Variants in RP2 observed in about 807,000 individuals in gnomAD.
RP2 encodes protein XRP2.
Under a neutral mutation model 20.3 loss-of-function variants are expected in RP2, and 3 were observed. That is an observed-to-expected ratio of 0.15 (90% CI 0.07 to 0.38). The LOEUF (loss-of-function observed/expected upper bound fraction) is 0.38, where lower values mean the gene tolerates loss of function less well. RP2 is among the 10% of genes least tolerant of loss of function. The pLI is 1.00. For synonymous variants in RP2, 75 were observed against 94.8 expected, an observed-to-expected ratio of 0.79 and a Z score of 1.22; for missense variants, 233 against 268.5, an observed-to-expected ratio of 0.87 and a Z score of 0.92.
At position 46,879,674 on chromosome X, in the gene RP2, T is replaced by G; in HGVS notation, c.970-12T>G. Reference sequence around the variant, plus strand: ...GTACTGATTTTTTTTTTTAATTTTCTATTTAAAATAGATGTTTGTATCTGA... The same window carrying G: ...GTACTGATTTTTTTTTTTAATTTTCGATTTAAAATAGATGTTTGTATCTGA... On this transcript the variant is annotated splice_polypyrimidine_tract_variant and intron_variant, in intron 4 of 4. Transcript: ENST00000218340. 1 of 1,143,383 alleles carries G rather than the reference T, an allele frequency of 8.7e-7. No homozygotes were observed. Among genetic ancestry groups the G allele is most frequent in the Non-Finnish European group, 1.2e-6 (1 of 836,611 alleles). The allele number at this position is 1,143,383 out of a possible 1,213,427, so 94.2% of individuals were successfully genotyped here.
At chrX:46,838,642 G>C (rs185750788) in intron 1 of RP2, among the ~76,000 whole-genome samples, 2 of 112,343 alleles carry the variant, frequency 1.8e-5, no homozygotes, top group Non-Finnish European at 3.8e-5. Flanking sequence ...AGTCTTGGCT[G>C]CCTATGACTC....
At chrX:46,843,337 A>G (rs1162389099) in intron 1 of RP2, among the ~76,000 whole-genome samples, 1 of 111,520 alleles carries the variant, frequency 9.0e-6, no homozygotes, top group Non-Finnish European at 1.9e-5. Context: ...ACTGCTAAAC[A>G]GTTTTTTAGA....
intron 1 of RP2, among the ~76,000 whole-genome samples, chrX:46,848,854 C>A (rs1214259161): frequency 9.3e-6 from 1 of 108,027 alleles, no homozygotes; most frequent in South Asian, 4.2e-4. Context: ...CATGGCGAAA[C>A]CCCATCTCTA....
At position 46,841,986 on chromosome X, in the gene RP2, C is replaced by T. The variant is rs186190884; in HGVS notation, c.102+4784C>T. ...GGCTGGAATGCAGTGGTATGATCTC[C>T]GCTCACTGCTCCGCCTCCTGGATTC... is the stretch of plus-strand genomic sequence containing the variant. On this transcript the variant is annotated intron_variant, in intron 1 of 4. Transcript: ENST00000218340. Among the ~76,000 whole-genome samples the T allele has an allele frequency of 8.5e-3, 949 of 111,909 alleles. 5 individuals carry two copies. The highest frequency in any genetic ancestry group is 0.012 in the Non-Finnish European group (650 of 53,134).
At position 46,856,196 on chromosome X, in the gene RP2, A is replaced by C. The variant is rs372127921; in HGVS notation, c.768+2055A>C. On this transcript the variant is annotated intron_variant, in intron 2 of 4. Coordinates refer to ENST00000218340, the MANE Select transcript of RP2 (RefSeq NM_006915.3). ...ATTATTTAGGTTAAACTCCTTTTTC[A>C]TAGGTAATGAGGAGTGGACATAAAG... Among the ~76,000 whole-genome samples the C allele has an allele frequency of 9.6e-4, 107 of 111,859 alleles. 1 individual carries two copies. The South Asian group carries it at 0.037, about 39-fold the overall frequency.
intron 3 of RP2, among the ~76,000 whole-genome samples, chrX:46,871,021 CTTTTTTTTTTTTTTTT>C: frequency 3.9e-5 from 3 of 77,361 alleles, no homozygotes; most frequent in African/African-American, 1.8e-4. Flanking sequence ...ACGCTCATTC[CTTTTTTTTTTTTTTTT>C]TTTTTTTTTT....
At position 46,879,707 on chromosome X, in the gene RP2, G is replaced by A. The variant is rs782243877; in HGVS notation, c.991G>A (p.Glu331Lys). The A allele has an allele frequency of 2.5e-6, 3 of 1,198,278 alleles. No individual in the cohort carries two copies. Among genetic ancestry groups the A allele is most frequent in the East Asian group, 5.9e-5 (2 of 33,642 alleles). Residue 331 changes from glutamate to lysine, a missense_variant, in exon 5 of 5, where the codon GAG becomes AAG. Physicochemically the swap from Glu to Lys is moderately conservative, Grantham distance 56. Transcript: ENST00000218340. ...ATAGATGTTTGTATCTGAAAGCAAG[G>A]AGACGGCATCTGGAGATGTAGACAG... ...GTKMFVSESK[E>K]TASGDVDSFY...
chrX:46,863,086 A>C (rs1231223051), intron 3 of RP2, among the ~76,000 whole-genome samples: 1 of 112,267 alleles, frequency 8.9e-6, no homozygotes, highest in Non-Finnish European at 1.9e-5. Context: ...TAACAACTAA[A>C]TGCAATGAGT....
chrX:46,873,588 T>TTCTTTTC (rs1556327170), intron 3 of RP2, among the ~76,000 whole-genome samples: 32 of 111,798 alleles, frequency 2.9e-4, no homozygotes, highest in Non-Finnish European at 5.5e-4. Context: ...GTTTAATACA[T>TTCTTTTC]ATGAAAAGAA....
At position 46,880,074 on chromosome X, in the gene RP2, C is replaced by A; in HGVS notation, c.*305C>A. On this transcript the variant is annotated 3_prime_UTR_variant, in exon 5 of 5. Transcript: ENST00000218340. Reference sequence around the variant, plus strand: ...GTAGCTAAAAGTTTATTATTTTAATCCTATTTAAATGTTCTTTCAAATCTC... The same window carrying A: ...GTAGCTAAAAGTTTATTATTTTAATACTATTTAAATGTTCTTTCAAATCTC... 1 of 151,845 alleles carries A rather than the reference C, an allele frequency of 6.6e-6. No homozygotes were observed. The highest frequency in any genetic ancestry group is 1.3e-5 in the Non-Finnish European group (1 of 79,107). 12.5% of individuals were successfully genotyped at this position (151,845 alleles called of 1,213,427 possible). A position where few individuals can be genotyped will look rare whatever the true frequency, so the allele number is the denominator to read the frequency against.
chrX:46,863,006 C>G (rs1319524789), intron 3 of RP2, among the ~76,000 whole-genome samples: 5 of 112,097 alleles, frequency 4.5e-5, no homozygotes, highest in African/African-American at 1.6e-4. Flanking sequence ...CTGGCTAGGT[C>G]TCTTCAGACA....
At chrX:46,845,768 G>T (rs1924705591) in intron 1 of RP2, among the ~76,000 whole-genome samples, 1 of 110,948 alleles carries the variant, frequency 9.0e-6, no homozygotes. Flanking sequence ...CATGTATCAA[G>T]AGTTTTTTTT....
chrX:46,870,378 G>C (rs1309662531), intron 3 of RP2, among the ~76,000 whole-genome samples: 1 of 111,152 alleles, frequency 9.0e-6, no homozygotes, highest in Admixed American at 9.6e-5. Flanking sequence ...CAAAGTGCTG[G>C]GATTACAGGT....
chrX:46,854,988 G>A (rs1411050412), intron 2 of RP2, among the ~76,000 whole-genome samples: 1 of 110,875 alleles, frequency 9.0e-6, no homozygotes, highest in Non-Finnish European at 1.9e-5. Flanking sequence ...GGATGGTCTC[G>A]ATCTTTTGAC....
At chrX:46,837,494 T>G (rs1206672716) in intron 1 of RP2, among the ~76,000 whole-genome samples, 2 of 111,445 alleles carry the variant, frequency 1.8e-5, no homozygotes, top group Non-Finnish European at 3.8e-5. Context: ...TGCTCTGACT[T>G]CCTGTTGGAG....
intron 1 of RP2, among the ~76,000 whole-genome samples, chrX:46,842,057 C>T (rs1428082870): frequency 1.8e-5 from 2 of 111,572 alleles, no homozygotes; most frequent in African/African-American, 6.5e-5. Context: ...GGATTATAGG[C>T]GCGTGCCACC....
At chrX:46,873,556 G>GT (rs1187037190) in intron 3 of RP2, among the ~76,000 whole-genome samples, 3 of 111,542 alleles carry the variant, frequency 2.7e-5, no homozygotes, top group Non-Finnish European at 3.8e-5. Context: ...CAACACTGTA[G>GT]TTTTTTTAAG....
chrX:46,852,283 G>T (rs1055958845), intron 1 of RP2, among the ~76,000 whole-genome samples: 1 of 111,351 alleles, frequency 9.0e-6, no homozygotes, highest in African/African-American at 3.3e-5. Context: ...AGGAAGGAAG[G>T]AAGTAGCGAA....
chrX:46,837,812 G>A (rs782154747), intron 1 of RP2, among the ~76,000 whole-genome samples: 5 of 112,068 alleles, frequency 4.5e-5, no homozygotes, highest in African/African-American at 1.3e-4. Context: ...AATGAATATC[G>A]CATCAGTCTT....
Sources: allele counts gnomAD v4.1 joint callset (sites outside exome capture counted in the v4.1 genomes callset), GRCh38; gene constraint gnomAD v4.1.1; transcripts MANE v1.5; gene names NCBI Gene and HGNC (gene_info 2026-07-23, HGNC 2026-07-21).